The following MGAT5 variants were observed in gnomAD, a reference collection of about 807,000 sequenced individuals.
The protein encoded by MGAT5 is alpha-1,6-mannosylglycoprotein 6-beta-N-acetylglucosaminyltransferase.
MGAT5 carries 30 observed loss-of-function variants against 94.3 expected under a neutral mutation model. That is an observed-to-expected ratio of 0.32 (90% CI 0.24 to 0.43). MGAT5 has a LOEUF of 0.43. MGAT5 is among the 20% of genes least tolerant of loss of function. MGAT5 has a pLI of 1.00. For synonymous variants in MGAT5, 310 were observed against 322.9 expected, an observed-to-expected ratio of 0.96 and a Z score of 0.43; for missense variants, 691 against 905.5, an observed-to-expected ratio of 0.76 and a Z score of 3.04.
intron 2 of MGAT5, among the ~76,000 whole-genome samples, chr2:134,280,750 C>A (rs1177386775): frequency 1.3e-5 from 2 of 152,202 alleles, no homozygotes; most frequent in Non-Finnish European, 2.9e-5. Context: ...GGATAAGAGC[C>A]TGTACCATGG....
At position 134,189,602 on chromosome 2, in the gene MGAT5, G is replaced by GTTGTTTTTTTTTTTTTTTTT. The variant is rs1689232395; in HGVS notation, c.-142-64658_-142-64657insGTTTTTTTTTTTTTTTTTTT. Among the ~76,000 whole-genome samples, 210 of 84,636 alleles carry GTTGTTTTTTTTTTTTTTTTT rather than the reference G, an allele frequency of 2.5e-3. 7 individuals are homozygous for GTTGTTTTTTTTTTTTTTTTT. The highest frequency in any genetic ancestry group is 9.8e-3 in the African/African-American group (206 of 20,982). The allele number at this position is 84,636 out of a possible 152,430, so 55.5% of individuals were successfully genotyped here. On this transcript the variant is annotated intron_variant, in intron 1 of 16. Transcript: ENST00000409645. ...AACCTCATGGCTCTAGTTTTTTTTTGTTTTTTTTTTTTTTTTTTAAGACAG... is the reference window on the plus strand; with the variant it reads ...AACCTCATGGCTCTAGTTTTTTTTTGTTGTTTTTTTTTTTTTTTTTTTTTTTTTTTTTTTTTTTAAGACAG...
At chr2:134,403,699 C>T (rs1009222149) in intron 11 of MGAT5, among the ~76,000 whole-genome samples, 1 of 152,114 alleles carries the variant, frequency 6.6e-6, no homozygotes, top group Non-Finnish European at 1.5e-5. Context: ...GTGGGCCAGA[C>T]AGGAGTTAGA....
At chr2:134,146,402 A>T (rs1183815798) in intron 1 of MGAT5, among the ~76,000 whole-genome samples, 3 of 151,886 alleles carry the variant, frequency 2.0e-5, no homozygotes, top group African/African-American at 7.3e-5. Flanking sequence ...TACAAAAAAA[A>T]TACAAAAATT....
At chr2:134,396,571 A>C (rs1011874214) in intron 10 of MGAT5, among the ~76,000 whole-genome samples, 6 of 152,188 alleles carry the variant, frequency 3.9e-5, no homozygotes, top group Non-Finnish European at 8.8e-5. Context: ...TTTTGATTAG[A>C]ATACACACTT....
chr2:134,304,994 C>A (rs547949775), intron 2 of MGAT5, among the ~76,000 whole-genome samples: 1 of 152,176 alleles, frequency 6.6e-6, no homozygotes, highest in Non-Finnish European at 1.5e-5. Flanking sequence ...AGTAGACTTA[C>A]AATTTAAATA....
chr2:134,331,374 C>T (rs1012072526), intron 4 of MGAT5, among the ~76,000 whole-genome samples: 1 of 152,110 alleles, frequency 6.6e-6, no homozygotes, highest in Non-Finnish European at 1.5e-5. Context: ...TGGCCTGAGG[C>T]TAGTGAGCTA....
intron 1 of MGAT5, among the ~76,000 whole-genome samples, chr2:134,226,671 T>G (rs1295413968): frequency 6.6e-6 from 1 of 152,178 alleles, no homozygotes; most frequent in East Asian, 1.9e-4. Context: ...CTGGTAGAGT[T>G]CATGCAGTCA....
intron 2 of MGAT5, among the ~76,000 whole-genome samples, chr2:134,284,151 A>G (rs753700949): frequency 6.6e-6 from 1 of 152,182 alleles, no homozygotes; most frequent in South Asian, 2.1e-4. Flanking sequence ...GGAGATTGCA[A>G]CTTTCCAAAA....
At chr2:134,376,150 A>G (rs1468358466) in intron 10 of MGAT5, among the ~76,000 whole-genome samples, 3 of 152,206 alleles carry the variant, frequency 2.0e-5, no homozygotes, top group Admixed American at 6.5e-5. Context: ...CAACAACCCT[A>G]TAAGGCAGCA....
Position 134,291,588 on chromosome 2 carries a change from C to T in MGAT5, c.406+21038C>T, listed in dbSNP as rs185349973. On this transcript the variant is annotated intron_variant, in intron 2 of 15. Coordinates refer to ENST00000281923, the MANE Select transcript of MGAT5 (RefSeq NM_002410.5). ...CTGGAAAAGCATTCATGACAAGGAA[C>T]AGCAGGGAGAGAGTCCAGGACTTGA... Among the ~76,000 whole-genome samples the T allele has an allele frequency of 2.9e-3, 437 of 152,214 alleles. 3 individuals carry two copies. The highest frequency in any genetic ancestry group is 4.2e-3 in the Non-Finnish European group (286 of 68,012).
chr2:134,155,156 A>G (rs1687416563), intron 1 of MGAT5, among the ~76,000 whole-genome samples: 1 of 152,152 alleles, frequency 6.6e-6, no homozygotes, highest in African/African-American at 2.4e-5. Context: ...AGTCCCTAGG[A>G]GAGTGCTCTC....
intron 13 of MGAT5, among the ~76,000 whole-genome samples, chr2:134,424,298 C>T (rs2106365906): frequency 6.6e-6 from 1 of 152,314 alleles, no homozygotes; most frequent in Non-Finnish European, 1.5e-5. Context: ...GCCCACTGAA[C>T]TGCTGATTTC....
rs938319132 is a variant in MGAT5, at chr2:134,444,882, G to A, written c.2027+2967G>A. Among the ~76,000 whole-genome samples the A allele has an allele frequency of 3.3e-5, 5 of 152,232 alleles. 1 individual carries two copies. The highest frequency in any genetic ancestry group is 4.1e-4 in the South Asian group (2 of 4,822). ...CACTGAAGAGGCCACCGCAGAGCACGCATGATTCAGGTGCGACCCACATCC... is the reference window on the plus strand; with the variant it reads ...CACTGAAGAGGCCACCGCAGAGCACACATGATTCAGGTGCGACCCACATCC... On this transcript the variant is annotated intron_variant, in intron 15 of 15. Coordinates refer to ENST00000281923, the MANE Select transcript of MGAT5 (RefSeq NM_002410.5).
intron 1 of MGAT5, among the ~76,000 whole-genome samples, chr2:134,245,064 G>A (rs1682167584): frequency 6.6e-6 from 1 of 152,328 alleles, no homozygotes; most frequent in Admixed American, 6.5e-5. Context: ...CTAGGCTGGA[G>A]TGCAGTGGCG....
chr2:134,416,971 C>T (rs1684013388), intron 12 of MGAT5, among the ~76,000 whole-genome samples: 1 of 151,772 alleles, frequency 6.6e-6, no homozygotes, highest in Non-Finnish European at 1.5e-5. Flanking sequence ...CTACACACTA[C>T]TTTCTTAAGG....
At chr2:134,262,923 C>T (rs1683430101) in intron 1 of MGAT5, among the ~76,000 whole-genome samples, 1 of 152,184 alleles carries the variant, frequency 6.6e-6, no homozygotes, top group African/African-American at 2.4e-5. Context: ...CTTGCCACCA[C>T]CCTACTAAAC....
chr2:134,241,272 C>T (rs905105087), intron 1 of MGAT5, among the ~76,000 whole-genome samples: 1 of 152,228 alleles, frequency 6.6e-6, no homozygotes, highest in Non-Finnish European at 1.5e-5. Context: ...AAGGAGCAGA[C>T]ATAATTCCCC....
chr2:134,381,839 T>C (rs1164967032), intron 10 of MGAT5, among the ~76,000 whole-genome samples: 1 of 152,244 alleles, frequency 6.6e-6, no homozygotes, highest in Admixed American at 6.5e-5. Flanking sequence ...TTTGTAATTC[T>C]TTAGAAGTTG....
chr2:134,396,060 C>T (rs1272850326), intron 10 of MGAT5, among the ~76,000 whole-genome samples: 1 of 152,204 alleles, frequency 6.6e-6, no homozygotes, highest in African/African-American at 2.4e-5. Flanking sequence ...TATTGTGCCA[C>T]TGCAATCATT....
Sources: gnomAD v4.1 joint callset for allele counts (sites outside exome capture counted in the v4.1 genomes callset) on GRCh38, gnomAD v4.1.1 for gene constraint, MANE v1.5 for transcripts, NCBI Gene and HGNC (gene_info 2026-07-23, HGNC 2026-07-21) for gene names.